RRBP1: variants seen among roughly 807,000 people sequenced by gnomAD.
RRBP1 encodes ribosome binding protein 1.
In RRBP1, 94 loss-of-function variants were observed where a neutral mutation model predicts 165.2. The ratio of observed to expected loss-of-function variants is 0.57; its 90% CI spans 0.48 to 0.68. RRBP1 has a LOEUF of 0.68. RRBP1 is among the 30% of genes least tolerant of loss of function. RRBP1 has a pLI of 0.00. For synonymous variants in RRBP1, 680 were observed against 714.5 expected, an observed-to-expected ratio of 0.95 and a Z score of 0.77; for missense variants, 1,676 against 1,763.0, an observed-to-expected ratio of 0.95 and a Z score of 0.88.
At chr20:17,664,019 T>C (rs772358701) in intron 2 of RRBP1, among the ~76,000 whole-genome samples, 2 of 152,232 alleles carry the variant, frequency 1.3e-5, no homozygotes, top group Non-Finnish European at 2.9e-5. Context: ...GAATCCTATA[T>C]ACACTATTTT....
At chr20:17,616,145 G>A in intron 21 of RRBP1, 136 bp from the exon 22 acceptor site, 1 of 714,968 alleles carries the variant, frequency 1.4e-6, no homozygotes, top group South Asian at 1.9e-5. Context: ...TCGTTGGGGA[G>A]AGGGCACCTC....
At chr20:17,640,244 G>A (rs2036326808) in intron 5 of RRBP1, among the ~76,000 whole-genome samples, 1 of 152,216 alleles carries the variant, frequency 6.6e-6, no homozygotes, top group African/African-American at 2.4e-5. Flanking sequence ...AGGAACATGG[G>A]AGCTCCAGAA....
At chr20:17,680,903 G>C (rs1231160609) in intron 1 of RRBP1, among the ~76,000 whole-genome samples, 2 of 152,118 alleles carry the variant, frequency 1.3e-5, no homozygotes, top group Admixed American at 6.5e-5. Flanking sequence ...CAGGAGCCCC[G>C]ATTTGCAGAC....
In RRBP1 at chr20:17,629,815, G is replaced by T. The variant is rs371589825; in HGVS notation, c.2749+8C>A. ...CTGAACCCCCGGCCCCACTGCCGCCGCCCTTACCGGCCATCTGCTGCTGTT... is the reference window on the plus strand; with the variant it reads ...CTGAACCCCCGGCCCCACTGCCGCCTCCCTTACCGGCCATCTGCTGCTGTT... On this transcript the variant is annotated splice_region_variant and intron_variant, in intron 9 of 24. Transcript: ENST00000377813. 1 of 1,595,134 alleles carries T rather than the reference G, an allele frequency of 6.3e-7. No individual in the cohort carries two copies. The highest frequency in any genetic ancestry group is 8.5e-7 in the Non-Finnish European group (1 of 1,177,430).
chr20:17,681,780 G>A (rs1256641029), intron 1 of RRBP1, among the ~76,000 whole-genome samples: 1 of 150,606 alleles, frequency 6.6e-6, no homozygotes. Flanking sequence ...GGACGGCGAG[G>A]GCCGCGGGGT....
intron 3 of RRBP1, among the ~76,000 whole-genome samples, chr20:17,644,833 A>G (rs2036434454): frequency 6.6e-6 from 1 of 152,256 alleles, no homozygotes; most frequent in Admixed American, 6.5e-5. Context: ...AATTTTATAT[A>G]TGGATTGTAT....
chr20:17,632,651 G>A (rs1013053384), intron 8 of RRBP1, among the ~76,000 whole-genome samples: 5 of 100,338 alleles, frequency 5.0e-5, no homozygotes, highest in Admixed American at 3.4e-4. Context: ...CAGAAAAAGG[G>A]CCCTAAGCCC....
chr20:17,653,584 C>T (rs2036596263), intron 3 of RRBP1, among the ~76,000 whole-genome samples: 1 of 152,224 alleles, frequency 6.6e-6, no homozygotes, highest in Non-Finnish European at 1.5e-5. Flanking sequence ...GCCTATAACC[C>T]CAGCACTTTG....
intron 4 of RRBP1, 62 bp from the exon 5 acceptor site, chr20:17,641,981 C>T: frequency 6.4e-7 from 1 of 1,562,952 alleles, no homozygotes; most frequent in Non-Finnish European, 8.7e-7. Context: ...ATCCCCTGAC[C>T]CCGGACAAGA....
At chr20:17,623,607 G>A (rs1165150407) in intron 13 of RRBP1, among the ~76,000 whole-genome samples, 1 of 152,204 alleles carries the variant, frequency 6.6e-6, no homozygotes, top group African/African-American at 2.4e-5. Flanking sequence ...AGTGCTCGCT[G>A]CAAACAATGT....
At chr20:17,662,039 G>T (rs2036775256) in intron 2 of RRBP1, among the ~76,000 whole-genome samples, 2 of 152,192 alleles carry the variant, frequency 1.3e-5, no homozygotes, top group African/African-American at 4.8e-5. Context: ...AAGGCAGGCA[G>T]ATCACGAGGT....
At chr20:17,633,392 T>C (rs1025633304) in intron 8 of RRBP1, 68 bp downstream of exon 8, 8 of 1,538,414 alleles carry the variant, frequency 5.2e-6, no homozygotes, top group Non-Finnish European at 7.0e-6. Flanking sequence ...CCTGGGCCCA[T>C]CCCCGCTATG....
chr20:17,655,751 TCACA>T (rs1329085554), intron 3 of RRBP1, among the ~76,000 whole-genome samples: 4 of 152,248 alleles, frequency 2.6e-5, no homozygotes, highest in African/African-American at 7.2e-5. Flanking sequence ...TTCAAAATGG[TCACA>T]CAATTTACAA....
rs140935031 is a variant in RRBP1 at position 17,648,450 on chromosome 20, C to T, written c.1913-5323G>A. On this transcript the variant is annotated intron_variant, in intron 3 of 24. Transcript: ENST00000377813. ...GCCACAGAGCCCGGCCTTGCCCAAG[C>T]GCTGCTCAGCGCTCCTGACAGGAAG... is the stretch of plus-strand genomic sequence containing the variant. 1.2e-3 allele frequency among the ~76,000 whole-genome samples: 182 copies of T among 152,370 alleles called. 2 individuals carry two copies. The East Asian group carries it at 0.028, about 23-fold the overall frequency.
chr20:17,628,413 G>A (rs1220514693), intron 9 of RRBP1, among the ~76,000 whole-genome samples: 1 of 152,166 alleles, frequency 6.6e-6, no homozygotes, highest in Non-Finnish European at 1.5e-5. Context: ...TAGCACCTCT[G>A]CGGCCACCTG....
chr20:17,639,722 C>T (rs879258007), intron 5 of RRBP1, among the ~76,000 whole-genome samples: 6 of 152,014 alleles, frequency 3.9e-5, no homozygotes, highest in Non-Finnish European at 8.8e-5. Flanking sequence ...GGAGAAACCC[C>T]GTCTCTACTA....
intron 3 of RRBP1, among the ~76,000 whole-genome samples, chr20:17,655,171 T>C (rs963482476): frequency 1.3e-5 from 2 of 152,188 alleles, no homozygotes; most frequent in Admixed American, 6.5e-5. Context: ...GTCTTCAGCG[T>C]TGCTTTCTGA....
chr20:17,620,240 C>A, intron 18 of RRBP1, 59 bp downstream of exon 18: 1 of 1,258,106 alleles, frequency 7.9e-7, no homozygotes, highest in South Asian at 1.2e-5. Flanking sequence ...TCTGCATTAA[C>A]GTCACTTTCA....
Position 17,614,753 on chromosome 20 carries a change from TC to T in RRBP1, c.4177del (p.Glu1393AsnfsTer56). On this transcript the variant is annotated frameshift_variant, in exon 24 of 25. Coordinates refer to ENST00000377813, the MANE Select transcript of RRBP1 (RefSeq NM_001365613.2). LOFTEE classifies it high-confidence loss of function. ...REKDTVKKLQ[E>X]QLEKAEDGSS... The stretch of plus-strand genomic sequence containing the variant: ...GGCACGCACTGCCTTTTCCAGCTGT[TC>T]CTGCAGCTTCTTCACCGTGTCCTTC... 6.2e-7 allele frequency: 1 copy of T among 1,612,892 alleles called. No homozygotes were observed. The highest frequency in any genetic ancestry group is 8.5e-7 in the Non-Finnish European group (1 of 1,180,010).
Sources: allele counts gnomAD v4.1 joint callset (sites outside exome capture counted in the v4.1 genomes callset), GRCh38; gene constraint gnomAD v4.1.1; transcripts MANE v1.5; gene names NCBI Gene and HGNC (gene_info 2026-07-23, HGNC 2026-07-21).